The following OVCH2 variants were observed in gnomAD, a reference collection of about 807,000 sequenced individuals.
OVCH2 encodes ovochymase-2.
A neutral mutation model predicts 73.7 loss-of-function variants in OVCH2; 88 were observed. The observed-to-expected ratio is 1.19, with a 90% CI of 1.01 to 1.43. OVCH2 has a LOEUF of 1.43. OVCH2 is among the 40% of genes most tolerant of loss of function. The probability of loss-of-function intolerance (pLI) is 0.00; values close to 1 mark genes in which losing one functional copy is unlikely to be tolerated. For missense variants in OVCH2, 706 were observed against 674.5 expected, an observed-to-expected ratio of 1.05 and a Z score of -0.52; for synonymous variants, 265 against 234.5, an observed-to-expected ratio of 1.13 and a Z score of -1.19.
intron 8 of OVCH2, among the ~76,000 whole-genome samples, chr11:7,698,317 C>T (rs1282677281): frequency 6.6e-6 from 1 of 152,186 alleles, no homozygotes; most frequent in Non-Finnish European, 1.5e-5. Flanking sequence ...CCATCTGGCC[C>T]ACACTATTTT....
At chr11:7,682,144 C>T in the OVCH2 span, among the ~76,000 whole-genome samples, 1 of 152,136 alleles carries the variant, frequency 6.6e-6, no homozygotes, top group African/African-American at 2.4e-5. Context: ...TACAATGAAA[C>T]ATCATTCTGA....
intron 3 of OVCH2, among the ~76,000 whole-genome samples, chr11:7,702,535 G>T (rs1229072223): frequency 6.6e-6 from 1 of 152,234 alleles, no homozygotes; most frequent in Non-Finnish European, 1.5e-5. Flanking sequence ...TGAAGAGTGG[G>T]TTCATATATA....
In OVCH2 at chr11:7,695,139, C is replaced by T. The variant is rs1056565066; in HGVS notation, c.1332G>A (p.Gln444=). 2 of 1,556,230 alleles carry T rather than the reference C, an allele frequency of 1.3e-6. No individual in the cohort carries two copies. The highest frequency in any genetic ancestry group is 1.4e-5 in the African/African-American group (1 of 73,340). Residue 444 remains glutamine, a synonymous_variant, in exon 12 of 16, where the codon CAG becomes CAA. Coordinates refer to ENST00000533663, the MANE Select transcript of OVCH2 (RefSeq NM_198185.7). ...LTVLFEEGLI[Q]SLNYPENYSD... ...TGTAGTTTTCAGGATAGTTTAGACT[C>T]TGTATGAGACCTTCTTCAAAAAGGA...
intron 14 of OVCH2, among the ~76,000 whole-genome samples, chr11:7,690,873 C>G (rs113883631): frequency 4.3e-4 from 65 of 152,186 alleles, no homozygotes; most frequent in African/African-American, 1.5e-3. Flanking sequence ...AAGTGCAAAA[C>G]TCTGTGGTGT....
chr11:7,701,837 T>C, intron 4 of OVCH2, 26 bp from the exon 5 acceptor site: 2 of 1,575,816 alleles, frequency 1.3e-6, no homozygotes, highest in Non-Finnish European at 1.7e-6. Context: ...AGGTAGGGCT[T>C]GTCTCATTCA....
intron 12 of OVCH2, 77 bp from the exon 13 acceptor site, chr11:7,692,072 G>T: frequency 9.2e-7 from 1 of 1,086,370 alleles, no homozygotes; most frequent in Non-Finnish European, 1.4e-6. Context: ...GAGAAATTTG[G>T]ATTGCTCAAC....
chr11:7,699,810 C>G (rs1007027435), intron 7 of OVCH2: 1 of 153,974 alleles, frequency 6.5e-6, no homozygotes, highest in Non-Finnish European at 1.4e-5. Flanking sequence ...ATCCAAGTCC[C>G]CTACCCACTG....
Position 7,706,342 on chromosome 11 carries a change from T to C in OVCH2, c.53A>G (p.Glu18Gly), listed in dbSNP as rs765649579. Residue 18 changes from glutamate (E) to glycine (G), a missense_variant, in exon 1 of 16, where the codon GAA becomes GGA. By Grantham distance (98) the Glu-to-Gly change is moderately conservative (BLOSUM62 -2). Coordinates refer to ENST00000533663, the MANE Select transcript of OVCH2 (RefSeq NM_198185.7). ...LILLLGIVFF[E>G]RGKSATLSLP... is the part of the protein sequence containing the mutation. ...CGAAAGAGTTGCAGATTTACCTCGT[T>C]CAAAAAAGACTATTCCTAGTAGTAA... The C allele has an allele frequency of 1.3e-6, 2 of 1,590,576 alleles. No homozygotes were observed. Among genetic ancestry groups the C allele is most frequent in the Non-Finnish European group, 1.7e-6 (2 of 1,167,066 alleles).
chr11:7,702,052 T>A, intron 4 of OVCH2, 105 bp downstream of exon 4: 1 of 1,096,880 alleles, frequency 9.1e-7, no homozygotes, highest in Non-Finnish European at 1.3e-6. Context: ...TAAATTCCTA[T>A]CTCAAAGTGC....
intron 12 of OVCH2, among the ~76,000 whole-genome samples, chr11:7,693,171 A>T (rs1856255006): frequency 1.3e-5 from 2 of 152,234 alleles, no homozygotes; most frequent in South Asian, 4.1e-4. Flanking sequence ...CTCTAATTTT[A>T]ACACACAGTT....
chr11:7,688,073 C>T (rs777343986), downstream of OVCH2, among the ~76,000 whole-genome samples: 5 of 152,226 alleles, frequency 3.3e-5, no homozygotes, highest in Non-Finnish European at 7.3e-5. Flanking sequence ...ATTCAGTCCA[C>T]AGCAAAACCT....
chr11:7,689,820 A>G, intron 15 of OVCH2, 104 bp downstream of exon 15: 5 of 740,344 alleles, frequency 6.8e-6, no homozygotes, highest in Admixed American at 6.0e-5. Context: ...TTAGGACTCT[A>G]GTATATTTTG....
downstream of OVCH2, among the ~76,000 whole-genome samples, chr11:7,686,852 C>A (rs1365196649): frequency 7.2e-5 from 11 of 152,180 alleles, no homozygotes; most frequent in Admixed American, 7.2e-4. Flanking sequence ...AGCAGCTTCA[C>A]CCAGAGGCTG....
chr11:7,705,896 T>A (rs1565172354), intron 1 of OVCH2, among the ~76,000 whole-genome samples: 1 of 152,186 alleles, frequency 6.6e-6, no homozygotes, highest in Admixed American at 6.6e-5. Context: ...AGACCATTTA[T>A]AATATACTAC....
At chr11:7,690,277 T>A (rs1856196751) in intron 14 of OVCH2, among the ~76,000 whole-genome samples, 1 of 152,204 alleles carries the variant, frequency 6.6e-6, no homozygotes, top group Non-Finnish European at 1.5e-5. Context: ...ATCATGGGTA[T>A]GAGAATGTGT....
chr11:7,679,708 T>A, the OVCH2 span, among the ~76,000 whole-genome samples: 1 of 152,224 alleles, frequency 6.6e-6, no homozygotes, highest in East Asian at 1.9e-4. Context: ...CTCAGGGATG[T>A]TCTTTGTAGC....
intron 11 of OVCH2, 149 bp downstream of exon 11, chr11:7,695,421 C>T (rs1198319782): frequency 2.1e-6 from 2 of 937,642 alleles, no homozygotes; most frequent in Non-Finnish European, 3.2e-6. Flanking sequence ...GGGAGACTGC[C>T]CCCTGTTCTC....
chr11:7,683,403 G>T, the OVCH2 span, among the ~76,000 whole-genome samples: 6 of 152,142 alleles, frequency 3.9e-5, no homozygotes, highest in Non-Finnish European at 7.4e-5. Flanking sequence ...GATCCTGTTG[G>T]TTTTTTCTTG....
chr11:7,694,285 C>A (rs1856278768), intron 12 of OVCH2, among the ~76,000 whole-genome samples: 1 of 152,192 alleles, frequency 6.6e-6, no homozygotes, highest in Non-Finnish European at 1.5e-5. Flanking sequence ...AATGAACAAA[C>A]AACTAACCAC....
Sources: gnomAD v4.1 joint callset for allele counts (sites outside exome capture counted in the v4.1 genomes callset) on GRCh38, gnomAD v4.1.1 for gene constraint, MANE v1.5 for transcripts, NCBI Gene and HGNC (gene_info 2026-07-23, HGNC 2026-07-21) for gene names.